MLLT10: variants seen among roughly 807,000 people sequenced by gnomAD.
MLLT10 encodes the protein MLLT10 histone lysine methyltransferase DOT1L cofactor.
Under a neutral mutation model 129.1 loss-of-function variants are expected in MLLT10, and 30 were observed. The observed-to-expected ratio is 0.23, with a 90% CI of 0.17 to 0.32. The LOEUF (loss-of-function observed/expected upper bound fraction) is 0.32. Ranked by LOEUF, MLLT10 falls within the 10% of genes least tolerant of loss-of-function variation. The probability of loss-of-function intolerance (pLI) is 1.00; values close to 1 mark genes in which losing one functional copy is unlikely to be tolerated. For missense variants in MLLT10, 1,119 were observed against 1,268.3 expected (o/e 0.88, Z 1.79); for synonymous variants, 490 against 446.4 (o/e 1.10, Z -1.23).
At position 21,576,242 on chromosome 10, in the gene MLLT10, CT is replaced by C. The variant is rs556175778; in HGVS notation, c.241-10034del. Among the ~76,000 whole-genome samples the C allele has an allele frequency of 3.4e-3, 441 of 128,030 alleles. 1 individual carries two copies. The highest frequency in any genetic ancestry group is 7.8e-3 in the African/African-American group (272 of 35,002). The allele number at this position is 128,030 out of a possible 152,430, so 84.0% of individuals were successfully genotyped here. A position where few individuals can be genotyped will look rare whatever the true frequency, so the allele number is the denominator to read the frequency against. The stretch of plus-strand genomic sequence containing the variant: ...ACCGCACACCCAGCCTATCCATTTA[CT>C]TTTTTTTTTTTTTTTTTGAGATGGA... On this transcript the variant is annotated intron_variant, in intron 3 of 22. Transcript: ENST00000307729.
chr10:21,611,286 GGT>G (rs986070989), intron 5 of MLLT10, among the ~76,000 whole-genome samples: 3 of 151,634 alleles, frequency 2.0e-5, no homozygotes, highest in African/African-American at 7.3e-5. Flanking sequence ...TGGGATTACA[GGT>G]GTGAGCCACC....
chr10:21,733,484 T>C lies in MLLT10; in HGVS notation c.2408-20T>C. 7.0e-7 allele frequency: 1 copy of C among 1,429,474 alleles called. No homozygotes were observed. The highest frequency in any genetic ancestry group is 9.3e-7 in the Non-Finnish European group (1 of 1,073,014). 88.5% of individuals were successfully genotyped at this position (1,429,474 alleles called of 1,614,324 possible). ...ATTTAATAGGGTAAATAGGTTTCTT[T>C]TTGTCTTTTATTATTCTAGCTCCTA... is the stretch of plus-strand genomic sequence containing the variant. On this transcript the variant is annotated intron_variant, in intron 18 of 22. Transcript: ENST00000307729.
intron 22 of MLLT10, 139 bp downstream of exon 22, chr10:21,740,375 G>A (rs752839365): frequency 2.7e-5 from 24 of 897,958 alleles, no homozygotes; most frequent in Non-Finnish European, 3.2e-5. Context: ...GATATTATAG[G>A]CAAAGGATCT....
chr10:21,626,124 G>C, intron 8 of MLLT10: 1 of 1,609,876 alleles, frequency 6.2e-7, no homozygotes, highest in Admixed American at 1.7e-5. Flanking sequence ...TTCTCTCTCT[G>C]CCTGTAGGTC....
Position 21,650,249 on chromosome 10 carries a change from G to A in MLLT10, c.700-1424G>A, listed in dbSNP as rs528883313. ...GCCTATAGTCCTGACTACTTGGGAG[G>A]CTGAGGTGAGAGGATTGCTGGAGCC... On this transcript the variant is annotated intron_variant, in intron 8 of 22. Coordinates refer to ENST00000307729, the MANE Select transcript of MLLT10 (RefSeq NM_001195626.3). 5.3e-5 allele frequency among the ~76,000 whole-genome samples: 8 copies of A among 152,248 alleles called. No homozygotes were observed. The East Asian group carries it at 1.4e-3, about 26-fold the overall frequency.
rs2051297247 is a variant in MLLT10, at chr10:21,670,610, A to G, written c.957A>G (p.Lys319=). ...ETRGSEGKGK[K]SSAHSSGQRG... is the part of the protein sequence containing the mutation. Reference sequence around the variant, plus strand: ...GAGGGTCAGAGGGCAAAGGGAAGAAATCTTCAGCTCACAGCTCAGGTCAAA... The same window carrying G: ...GAGGGTCAGAGGGCAAAGGGAAGAAGTCTTCAGCTCACAGCTCAGGTCAAA... Residue 319 remains lysine, a synonymous_variant, in exon 10 of 23, where the codon AAA becomes AAG. Coordinates refer to ENST00000307729, the MANE Select transcript of MLLT10 (RefSeq NM_001195626.3). The G allele has an allele frequency of 1.9e-6, 3 of 1,614,082 alleles. No homozygotes were observed. Among genetic ancestry groups the G allele is most frequent in the African/African-American group, 2.7e-5 (2 of 74,944 alleles).
intron 8 of MLLT10, among the ~76,000 whole-genome samples, chr10:21,637,271 G>A (rs2047550968): frequency 6.6e-6 from 1 of 152,150 alleles, no homozygotes; most frequent in African/African-American, 2.4e-5. Context: ...TGTGGGTTTT[G>A]GGCTACTCTC....
At position 21,598,203 on chromosome 10, in the gene MLLT10, T is replaced by C. The variant is rs188452175; in HGVS notation, c.405+2763T>C. ...GATTATTTGTATTAGTATGGACTTA[T>C]GCTATTTTATTTTAATGGGTCATAT... On this transcript the variant is annotated intron_variant, in intron 5 of 22. Coordinates refer to ENST00000307729, the MANE Select transcript of MLLT10 (RefSeq NM_001195626.3). Among the ~76,000 whole-genome samples, 5 of 152,332 alleles carry C rather than the reference T, an allele frequency of 3.3e-5. No homozygotes were observed. The East Asian group carries it at 9.7e-4, about 29-fold the overall frequency.
At chr10:21,704,929 C>G (rs766409722) in intron 13 of MLLT10, among the ~76,000 whole-genome samples, 1 of 152,044 alleles carries the variant, frequency 6.6e-6, no homozygotes, top group African/African-American at 2.4e-5. Context: ...AGTAGACCAG[C>G]CTTTGCACCT....
intron 3 of MLLT10, among the ~76,000 whole-genome samples, chr10:21,572,615 A>C (rs1298241580): frequency 1.3e-5 from 2 of 150,622 alleles, no homozygotes; most frequent in African/African-American, 4.9e-5. Flanking sequence ...TTTTAAAATT[A>C]CTTTTTTTTT....
At chr10:21,631,018 A>G (rs2046946304) in intron 8 of MLLT10, among the ~76,000 whole-genome samples, 1 of 152,160 alleles carries the variant, frequency 6.6e-6, no homozygotes, top group Non-Finnish European at 1.5e-5. Flanking sequence ...AGAGTTGCCT[A>G]AAGAAAAGTA....
chr10:21,550,383 T>C (rs2036804022), intron 3 of MLLT10, among the ~76,000 whole-genome samples: 1 of 152,222 alleles, frequency 6.6e-6, no homozygotes. Flanking sequence ...TGGATCCTTA[T>C]CAGCTCTTGT....
intron 16 of MLLT10, among the ~76,000 whole-genome samples, chr10:21,729,196 T>C (rs1417059624): frequency 6.6e-6 from 1 of 152,186 alleles, no homozygotes; most frequent in East Asian, 1.9e-4. Context: ...TAATTCTATG[T>C]TGTTTTTCTT....
intron 9 of MLLT10, among the ~76,000 whole-genome samples, chr10:21,653,615 C>G (rs1331435697): frequency 6.6e-6 from 1 of 152,158 alleles, no homozygotes; most frequent in African/African-American, 2.4e-5. Flanking sequence ...AGTTTAATTA[C>G]ATCTGCAAAG....
At chr10:21,558,913 A>C (rs2038430256) in intron 3 of MLLT10, among the ~76,000 whole-genome samples, 1 of 152,188 alleles carries the variant, frequency 6.6e-6, no homozygotes, top group African/African-American at 2.4e-5. Flanking sequence ...AAGATACCAG[A>C]AAGAATTAGT....
chr10:21,635,910 G>A (rs1035193179), intron 8 of MLLT10, among the ~76,000 whole-genome samples: 8 of 148,186 alleles, frequency 5.4e-5, no homozygotes, highest in Non-Finnish European at 1.0e-4. Flanking sequence ...ACAAGCGTGA[G>A]CCGCTGCACC....
chr10:21,614,001 G>A (rs912018461), intron 6 of MLLT10, among the ~76,000 whole-genome samples: 20 of 151,738 alleles, frequency 1.3e-4, no homozygotes, highest in African/African-American at 3.6e-4. Flanking sequence ...TGGGAGGATC[G>A]CTTGAGTTAA....
intron 10 of MLLT10, among the ~76,000 whole-genome samples, chr10:21,671,529 T>C (rs533183282): frequency 6.6e-6 from 1 of 152,222 alleles, no homozygotes; most frequent in East Asian, 1.9e-4. Context: ...GGCTCATGCC[T>C]GTAATCCCAG....
At chr10:21,623,291 A>G (rs562839034) in intron 8 of MLLT10, among the ~76,000 whole-genome samples, 1 of 152,300 alleles carries the variant, frequency 6.6e-6, no homozygotes, top group East Asian at 1.9e-4. Context: ...CTCTGATCAC[A>G]TGGTTGGTTC....
Sources: gnomAD v4.1 joint callset for allele counts (sites outside exome capture counted in the v4.1 genomes callset) on GRCh38, gnomAD v4.1.1 for gene constraint, MANE v1.5 for transcripts, NCBI Gene and HGNC (gene_info 2026-07-23, HGNC 2026-07-21) for gene names.